Variants in CCDC85C observed in about 807,000 individuals in gnomAD.
CCDC85C encodes the protein coiled-coil domain-containing protein 85C.
A neutral mutation model predicts 38.3 loss-of-function variants in CCDC85C; 18 were observed. The ratio of observed to expected loss-of-function variants is 0.47; its 90% confidence interval spans 0.33 to 0.70. The LOEUF is 0.70. Among genes scored for constraint, CCDC85C ranks in the 30% least tolerant of loss-of-function variants. The pLI, the probability that CCDC85C is intolerant of heterozygous loss-of-function variation, is 0.03. For missense variants in CCDC85C, 566 were observed against 621.2 expected, an observed-to-expected ratio of 0.91 and a Z score of 0.94; for synonymous variants, 264 against 293.8, an observed-to-expected ratio of 0.90 and a Z score of 1.04.
At chr14:99,543,355 G>A (rs770191534) in intron 1 of CCDC85C, among the ~76,000 whole-genome samples, 21 of 152,324 alleles carry the variant, frequency 1.4e-4, no homozygotes, top group African/African-American at 1.9e-4. Flanking sequence ...CAGGACCAGC[G>A]GGGGTCGGCG....
In CCDC85C at chr14:99,535,471, C is replaced by T. The variant is rs1445848489; in HGVS notation, c.867+544G>A. Among the ~76,000 whole-genome samples the T allele has an allele frequency of 6.6e-6, 1 of 152,184 alleles. No individual in the cohort carries two copies. The highest frequency in any genetic ancestry group is 1.5e-5 in the Non-Finnish European group (1 of 68,024). On this transcript the variant is annotated intron_variant, in intron 2 of 5. Transcript: ENST00000380243. This position sits in a 1 kb window ranked among gnomAD's most constrained non-coding sequence, Gnocchi z 5.5. ...ACGTCCCCTCCAAGCTCCAGCCACA[C>T]TCAAGAGGCACAGCCCCTCACCCAA... is the stretch of plus-strand genomic sequence containing the variant.
In CCDC85C at chr14:99,510,520, T is replaced by TC; in HGVS notation, c.*4725dup. 1 of 367,402 alleles carries TC rather than the reference T, an allele frequency of 2.7e-6. No homozygotes were observed. The highest frequency in any genetic ancestry group is 6.4e-5 in the African/African-American group (1 of 15,644). 22.8% of individuals were successfully genotyped at this position (367,402 alleles called of 1,614,324 possible). Reference sequence around the variant, plus strand: ...CCTGTGCCTCCTCCCCCAGCCTCCTTCCCCCCACCTGCCATCCCACCCCCT... The same window carrying TC: ...CCTGTGCCTCCTCCCCCAGCCTCCTTCCCCCCCACCTGCCATCCCACCCCCT... On this transcript the variant is annotated 3_prime_UTR_variant, in exon 6 of 6. Coordinates refer to ENST00000380243, the MANE Select transcript of CCDC85C (RefSeq NM_001144995.2).
chr14:99,603,259 T>C lies in CCDC85C; in HGVS notation c.701A>G (p.Lys234Arg). The C allele has an allele frequency of 1.2e-5, 16 of 1,390,358 alleles. No individual in the cohort carries two copies. Among genetic ancestry groups the C allele is most frequent in the Non-Finnish European group, 1.5e-5 (16 of 1,078,746 alleles). 86.1% of individuals were successfully genotyped at this position (1,390,358 alleles called of 1,614,324 possible). The stretch of plus-strand genomic sequence containing the variant: ...GGCTCCTGCCTTGCCGTCGGGGGCC[T>C]TGTGCGGCCCGGGGGGCAGCAGCGG... ...PPPLLPPGPHKAPDGKAGATR... is the reference protein window; with the variant it reads ...PPPLLPPGPHRAPDGKAGATR... The change falls in exon 1 of 6, where the codon AAG becomes AGG. Residue 234 changes from lysine to arginine, a missense_variant. Physicochemically the swap from Lys to Arg is conservative, Grantham distance 26. Transcript: ENST00000380243. This position sits in a 1 kb window ranked among gnomAD's most constrained non-coding sequence, Gnocchi z 7.5.
chr14:99,526,355 C>T (rs898167007), intron 2 of CCDC85C, among the ~76,000 whole-genome samples: 12 of 152,350 alleles, frequency 7.9e-5, no homozygotes, highest in Middle Eastern at 3.4e-3. Flanking sequence ...CTGCCCTGAG[C>T]GTGTGCTAAG....
At position 99,510,879 on chromosome 14, in the gene CCDC85C, G is replaced by GCAC; in HGVS notation, c.*4364_*4366dup. The GCAC allele has an allele frequency of 9.4e-7, 1 of 1,067,806 alleles. No homozygotes were observed. The highest frequency in any genetic ancestry group is 1.6e-5 in the African/African-American group (1 of 60,988). 66.1% of individuals were successfully genotyped at this position (1,067,806 alleles called of 1,614,324 possible). A position where few individuals can be genotyped will look rare whatever the true frequency, so the allele number is the denominator to read the frequency against. On this transcript the variant is annotated 3_prime_UTR_variant, in exon 6 of 6. Coordinates refer to ENST00000380243, the MANE Select transcript of CCDC85C (RefSeq NM_001144995.2). ...TAAGCAGCAGGGTACCTTGTATAAT[G>GCAC]CACGACAGTTGCAGTATGGGAAGAA...
At chr14:99,526,813 G>A (rs1897394040) in intron 2 of CCDC85C, among the ~76,000 whole-genome samples, 1 of 152,190 alleles carries the variant, frequency 6.6e-6, no homozygotes, top group Non-Finnish European at 1.5e-5. Flanking sequence ...CCCTCAGCTG[G>A]CTGGGCTGGG....
Position 99,509,924 on chromosome 14 carries a change from G to T in CCDC85C, c.*5322C>A. The stretch of plus-strand genomic sequence containing the variant: ...GCCTGTAGGTGGTGTGGTCAGGGCT[G>T]AGGGAGGGAAAACCCCAGGTCGTCG... On this transcript the variant is annotated 3_prime_UTR_variant, in exon 6 of 6. Coordinates refer to ENST00000380243, the MANE Select transcript of CCDC85C (RefSeq NM_001144995.2). The T allele has an allele frequency of 1.7e-6, 1 of 591,136 alleles. No homozygotes were observed. Among genetic ancestry groups the T allele is most frequent in the Non-Finnish European group, 3.0e-6 (1 of 332,754 alleles). 36.6% of individuals were successfully genotyped at this position (591,136 alleles called of 1,614,324 possible). A position where few individuals can be genotyped will look rare whatever the true frequency, so the allele number is the denominator to read the frequency against.
Position 99,505,058 on chromosome 14 carries a change from G to A in CCDC85C, c.*10188C>T, listed in dbSNP as rs993713135. The A allele has an allele frequency of 2.6e-5, 4 of 152,252 alleles. No homozygotes were observed. Among genetic ancestry groups the A allele is most frequent in the African/African-American group, 9.7e-5 (4 of 41,448 alleles). 9.4% of individuals were successfully genotyped at this position (152,252 alleles called of 1,614,324 possible). ...TAGCTTCTGATAGGATCTAAAATGT[G>A]GGTTAGGACCAGATCACAGAGTTTA... On this transcript the variant is annotated 3_prime_UTR_variant, in exon 6 of 6. Coordinates refer to ENST00000380243, the MANE Select transcript of CCDC85C (RefSeq NM_001144995.2).
chr14:99,510,503 T>G lies in CCDC85C; in HGVS notation c.*4743A>C. 9.7e-6 allele frequency: 5 copies of G among 517,408 alleles called. No homozygotes were observed. The highest frequency in any genetic ancestry group is 9.9e-5 in the East Asian group (1 of 10,062). The allele number at this position is 517,408 out of a possible 1,614,324, so 32.1% of individuals were successfully genotyped here. On this transcript the variant is annotated 3_prime_UTR_variant, in exon 6 of 6. Transcript: ENST00000380243. ...CCAACCCGCCCCCGCCACCTGTGCC[T>G]CCTCCCCCAGCCTCCTTCCCCCCAC...
chr14:99,565,233 C>T (rs1259402997), intron 1 of CCDC85C, among the ~76,000 whole-genome samples: 6 of 152,236 alleles, frequency 3.9e-5, no homozygotes, highest in Non-Finnish European at 8.8e-5. Flanking sequence ...CCCCTCTCAC[C>T]TTCCACAGCT....
In CCDC85C at chr14:99,510,981, TCATCA is replaced by T; in HGVS notation, c.*4260_*4264del. The T allele has an allele frequency of 2.4e-6, 1 of 412,358 alleles. No homozygotes were observed. The highest frequency in any genetic ancestry group is 4.2e-6 in the Non-Finnish European group (1 of 238,294). The allele number at this position is 412,358 out of a possible 1,614,324, so 25.5% of individuals were successfully genotyped here. A position where few individuals can be genotyped will look rare whatever the true frequency, so the allele number is the denominator to read the frequency against. On this transcript the variant is annotated 3_prime_UTR_variant, in exon 6 of 6. Coordinates refer to ENST00000380243, the MANE Select transcript of CCDC85C (RefSeq NM_001144995.2). ...GGGACAACCAGCTTTCAGAGTAGCC[TCATCA>T]GTGCCCTTGCAGTCTGACTGTGTAC...
chr14:99,559,038 C>G (rs1482352481), intron 1 of CCDC85C, among the ~76,000 whole-genome samples: 1 of 152,314 alleles, frequency 6.6e-6, no homozygotes, highest in East Asian at 1.9e-4. Flanking sequence ...CACCCGCCTC[C>G]CCTTCGCCTT....
At position 99,604,159 on chromosome 14, in the gene CCDC85C, AGGC is replaced by A. The variant is rs981492320; in HGVS notation, c.-203_-201del. The A allele has an allele frequency of 2.8e-6, 1 of 355,246 alleles. No individual in the cohort carries two copies. Among genetic ancestry groups the A allele is most frequent in the African/African-American group, 2.2e-5 (1 of 44,722 alleles). The allele number at this position is 355,246 out of a possible 1,614,324, so 22.0% of individuals were successfully genotyped here. On this transcript the variant is annotated 5_prime_UTR_variant, in exon 1 of 6. Transcript: ENST00000380243. The stretch of plus-strand genomic sequence containing the variant: ...CGCGCGCCTCGGGGTTGACGAGCGG[AGGC>A]GGCTGCTGCGTCGGCGGCCGCGGTG...
chr14:99,565,764 T>C (rs561545967), intron 1 of CCDC85C, among the ~76,000 whole-genome samples: 2 of 152,074 alleles, frequency 1.3e-5, no homozygotes, highest in South Asian at 2.1e-4. Context: ...GAGTCTATAG[T>C]GGACACCCCA....
chr14:99,545,369 C>T lies in CCDC85C; in HGVS notation c.794-9281G>A, dbSNP rs565431642. ...TCCGGCTCAGTTCATCTAGAATGTG[C>T]CCTACTTTGGATCTGCCTGGGAACC... is the stretch of plus-strand genomic sequence containing the variant. On this transcript the variant is annotated intron_variant, in intron 1 of 5. Coordinates refer to ENST00000380243, the MANE Select transcript of CCDC85C (RefSeq NM_001144995.2). This position sits in a 1 kb window ranked among gnomAD's most constrained non-coding sequence, Gnocchi z 4.7. Among the ~76,000 whole-genome samples the T allele has an allele frequency of 1.3e-5, 2 of 152,274 alleles. No individual in the cohort carries two copies. The highest frequency in any genetic ancestry group is 4.8e-5 in the African/African-American group (2 of 41,540).
intron 1 of CCDC85C, among the ~76,000 whole-genome samples, chr14:99,546,311 G>T: frequency 6.6e-6 from 1 of 152,024 alleles, no homozygotes. Flanking sequence ...GTGGGGAGGC[G>T]TGGGAGGGGT....
Position 99,572,614 on chromosome 14 carries a change from C to A in CCDC85C, c.793+30553G>T, listed in dbSNP as rs557947541. 29 of 451,646 alleles carry A rather than the reference C, an allele frequency of 6.4e-5. No homozygotes were observed. Among genetic ancestry groups the A allele is most frequent in the Admixed American group, 4.7e-5 (2 of 42,362 alleles). 28.0% of individuals were successfully genotyped at this position (451,646 alleles called of 1,614,324 possible). A position where few individuals can be genotyped will look rare whatever the true frequency, so the allele number is the denominator to read the frequency against. On this transcript the variant is annotated intron_variant, in intron 1 of 5. Transcript: ENST00000380243. This position sits in a 1 kb window ranked among gnomAD's most constrained non-coding sequence, Gnocchi z 4.4. ...TCTGACATCTGTCCTTTGCTGGAAACCTTCCAGGGACGACAGCTGCTTATC... is the reference window on the plus strand; with the variant it reads ...TCTGACATCTGTCCTTTGCTGGAAAACTTCCAGGGACGACAGCTGCTTATC...
At chr14:99,573,619 A>T (rs887528473) in intron 1 of CCDC85C, among the ~76,000 whole-genome samples, 5 of 152,216 alleles carry the variant, frequency 3.3e-5, no homozygotes, top group Admixed American at 3.3e-4. Context: ...GACAGGGTGC[A>T]GCCAGATGCC....
At chr14:99,521,987 C>T in intron 3 of CCDC85C, 146 bp downstream of exon 3, 1 of 640,956 alleles carries the variant, frequency 1.6e-6, no homozygotes, top group Non-Finnish European at 2.7e-6. Flanking sequence ...CTAACTGCCA[C>T]ACTGGATGGG....
Sources: gnomAD v4.1 joint callset for allele counts (sites outside exome capture counted in the v4.1 genomes callset) on GRCh38, gnomAD v4.1.1 for gene constraint, Gnocchi (gnomAD v3.1) non-coding constraint, MANE v1.5 for transcripts, NCBI Gene and HGNC (gene_info 2026-07-23, HGNC 2026-07-21) for gene names.